Variants in TMEM132D observed in about 807,000 individuals in gnomAD.
TMEM132D encodes transmembrane protein 132D.
TMEM132D carries 21 observed loss-of-function variants against 62.3 expected under a neutral mutation model. The ratio of observed to expected loss-of-function variants is 0.34; its 90% CI spans 0.24 to 0.49. TMEM132D has a LOEUF of 0.49. Ranked by LOEUF, TMEM132D falls within the 20% of genes least tolerant of loss-of-function variation. TMEM132D has a pLI of 0.99. For missense variants in TMEM132D, 1,346 were observed against 1,402.8 expected, an observed-to-expected ratio of 0.96 and a Z score of 0.65; for synonymous variants, 621 against 575.6, an observed-to-expected ratio of 1.08 and a Z score of -1.13.
chr12:129,313,683 A>C (rs886342666), intron 4 of TMEM132D, among the ~76,000 whole-genome samples: 3 of 152,156 alleles, frequency 2.0e-5, no homozygotes, highest in African/African-American at 7.2e-5. Context: ...ATATGCAAGC[A>C]TCTTTTTCGA....
At chr12:129,583,524 C>G (rs907371969) in intron 2 of TMEM132D, among the ~76,000 whole-genome samples, 1 of 152,184 alleles carries the variant, frequency 6.6e-6, no homozygotes, top group Non-Finnish European at 1.5e-5. Context: ...TGGTAGTTTG[C>G]TTTTGTAGCT....
intron 4 of TMEM132D, among the ~76,000 whole-genome samples, chr12:129,242,563 A>G (rs1449984793): frequency 6.6e-6 from 1 of 152,108 alleles, no homozygotes; most frequent in Non-Finnish European, 1.5e-5. Context: ...TGTAGAATTT[A>G]ATTCATTTTC....
At chr12:129,442,959 C>A (rs1360928509) in intron 3 of TMEM132D, among the ~76,000 whole-genome samples, 1 of 152,120 alleles carries the variant, frequency 6.6e-6, no homozygotes, top group East Asian at 1.9e-4. Flanking sequence ...CAGCATACCT[C>A]GCCCAAGATC....
At chr12:129,293,050 C>T (rs985806821) in intron 4 of TMEM132D, among the ~76,000 whole-genome samples, 1 of 152,130 alleles carries the variant, frequency 6.6e-6, no homozygotes, top group African/African-American at 2.4e-5. Context: ...TTTCTGTTCC[C>T]AGGGATGTGG....
intron 1 of TMEM132D, among the ~76,000 whole-genome samples, chr12:129,734,000 G>A (rs1659470131): frequency 1.3e-5 from 2 of 152,180 alleles, no homozygotes; most frequent in South Asian, 4.1e-4. Context: ...AAGAAATGGA[G>A]CACTGACTCC....
At position 129,851,404 on chromosome 12, in the gene TMEM132D, T is replaced by C. The variant is rs527402448; in HGVS notation, c.79+51857A>G. Among the ~76,000 whole-genome samples the C allele has an allele frequency of 3.3e-5, 5 of 152,200 alleles. No homozygotes were observed. In the South Asian group the frequency reaches 1.0e-3, roughly 32 times the overall value. ...CTATAATAAATATTAAATTGAAAAA[T>C]TGTTCATTTACCACAAGGTGCCACA... On this transcript the variant is annotated intron_variant, in intron 1 of 8. Transcript: ENST00000422113.
intron 1 of TMEM132D, among the ~76,000 whole-genome samples, chr12:129,799,334 GTA>G (rs747141459): frequency 6.8e-6 from 1 of 146,508 alleles, no homozygotes; most frequent in African/African-American, 2.5e-5. Context: ...TATTATATAT[GTA>G]TATATATGTG....
chr12:129,688,968 T>A (rs1021997925), intron 2 of TMEM132D, among the ~76,000 whole-genome samples: 3 of 152,176 alleles, frequency 2.0e-5, no homozygotes, highest in African/African-American at 4.8e-5. Context: ...TGGGGATATC[T>A]GGCAATATCT....
In TMEM132D at chr12:129,903,132, T is replaced by A; in HGVS notation, c.79+129A>T. 1.0e-6 allele frequency: 1 copy of A among 999,632 alleles called. No homozygotes were observed. The highest frequency in any genetic ancestry group is 1.5e-6 in the Non-Finnish European group (1 of 669,972). The allele number at this position is 999,632 out of a possible 1,614,324, so 61.9% of individuals were successfully genotyped here. On this transcript the variant is annotated intron_variant, in intron 1 of 8. Transcript: ENST00000422113. The surrounding 1 kb of genome is among the most constrained non-coding windows in gnomAD (Gnocchi z 6.2). ...ACGTTCACACGCGCGCACACACACA[T>A]GCACACAAGCGCGCACACACACTTG... is the stretch of plus-strand genomic sequence containing the variant.
chr12:129,703,924 CAA>C (rs67547532), intron 1 of TMEM132D, among the ~76,000 whole-genome samples: 3 of 140,972 alleles, frequency 2.1e-5, no homozygotes, highest in East Asian at 2.0e-4. Context: ...CGGTAATAGG[CAA>C]AAAAAAAAAA....
At chr12:129,104,553 A>T (rs2135638752) in intron 5 of TMEM132D, among the ~76,000 whole-genome samples, 1 of 152,324 alleles carries the variant, frequency 6.6e-6, no homozygotes, top group African/African-American at 2.4e-5. Context: ...GGATCTAATT[A>T]AACTCAAGAG....
intron 2 of TMEM132D, among the ~76,000 whole-genome samples, chr12:129,666,514 A>T (rs1880382625): frequency 6.6e-6 from 1 of 152,204 alleles, no homozygotes; most frequent in African/African-American, 2.4e-5. Context: ...ATTTGGTCTA[A>T]ATTAAGGTCA....
chr12:129,266,058 A>C (rs1020061332), intron 4 of TMEM132D, among the ~76,000 whole-genome samples: 17 of 152,108 alleles, frequency 1.1e-4, no homozygotes, highest in African/African-American at 3.1e-4. Context: ...CTGCTCTGAG[A>C]GATTTTTGTC....
At chr12:129,279,395 T>A (rs1881082172) in intron 4 of TMEM132D, among the ~76,000 whole-genome samples, 1 of 152,120 alleles carries the variant, frequency 6.6e-6, no homozygotes, top group Non-Finnish European at 1.5e-5. Context: ...CCTAAAGAAT[T>A]TTTTTTGGGA....
intron 2 of TMEM132D, among the ~76,000 whole-genome samples, chr12:129,534,745 GA>G (rs1422383149): frequency 6.6e-6 from 1 of 152,136 alleles, no homozygotes; most frequent in African/African-American, 2.4e-5. Flanking sequence ...ATTCTCTCTG[GA>G]ATATAATCTT....
chr12:129,089,397 C>T (rs1252263485), intron 5 of TMEM132D, among the ~76,000 whole-genome samples: 1 of 62,598 alleles, frequency 1.6e-5, no homozygotes, highest in Non-Finnish European at 2.7e-5. Context: ...GACCGGGTGT[C>T]CTCCCTGACC....
At chr12:129,770,608 C>A (rs10773704) in intron 1 of TMEM132D, among the ~76,000 whole-genome samples, 104,286 of 152,050 alleles carry the variant, frequency 0.69, 36,798 homozygotes, top group Middle Eastern at 0.82. Context: ...CCTCCTGTTA[C>A]ACCCATGATA....
chr12:129,799,304 A>AAT (rs1169188422), intron 1 of TMEM132D, among the ~76,000 whole-genome samples: 21 of 151,494 alleles, frequency 1.4e-4, no homozygotes, highest in Admixed American at 3.3e-4. Context: ...ACAAACAAAA[A>AAT]ATATATATAT....
intron 3 of TMEM132D, among the ~76,000 whole-genome samples, chr12:129,446,183 T>C (rs940815442): frequency 5.9e-5 from 9 of 152,064 alleles, no homozygotes; most frequent in African/African-American, 1.9e-4. Flanking sequence ...ACTGAGCTGG[T>C]GGAACTGGGT....
Sources: gnomAD v4.1 joint callset for allele counts (sites outside exome capture counted in the v4.1 genomes callset) on GRCh38, gnomAD v4.1.1 for gene constraint, Gnocchi (gnomAD v3.1) non-coding constraint, MANE v1.5 for transcripts, NCBI Gene and HGNC (gene_info 2026-07-23, HGNC 2026-07-21) for gene names.